Variants in RRBP1 observed in about 807,000 individuals in gnomAD.
RRBP1 encodes ribosome-binding protein 1.
Under a neutral mutation model 165.2 loss-of-function variants are expected in RRBP1, and 94 were observed. That is an observed-to-expected ratio of 0.57 (90% confidence interval 0.48 to 0.68). The LOEUF (loss-of-function observed/expected upper bound fraction) is 0.68. RRBP1 is among the 30% of genes least tolerant of loss of function. RRBP1 has a pLI of 0.00. For synonymous variants in RRBP1, 680 were observed against 714.5 expected (o/e 0.95, Z 0.77); for missense variants, 1,676 against 1,763.0 (o/e 0.95, Z 0.88).
intron 22 of RRBP1, 35 bp from the exon 23 acceptor site, chr20:17,615,564 G>A (rs371113542): frequency 1.8e-5 from 28 of 1,547,944 alleles, no homozygotes; most frequent in East Asian, 1.4e-4. Context: ...TGGGTGAGAC[G>A]TCTTATAAAC....
At chr20:17,629,170 T>C (rs1386865915) in intron 9 of RRBP1, among the ~76,000 whole-genome samples, 2 of 152,238 alleles carry the variant, frequency 1.3e-5, no homozygotes, top group Non-Finnish European at 2.9e-5. Flanking sequence ...GGTGACTCTG[T>C]CGTGTAACCC....
chr20:17,676,535 T>C (rs1227833559), intron 2 of RRBP1, among the ~76,000 whole-genome samples: 1 of 152,188 alleles, frequency 6.6e-6, no homozygotes, highest in Non-Finnish European at 1.5e-5. Context: ...TGGGACAAGC[T>C]GATGACTAGT....
chr20:17,640,973 G>A (rs2036345220), intron 5 of RRBP1, among the ~76,000 whole-genome samples: 1 of 152,218 alleles, frequency 6.6e-6, no homozygotes, highest in Admixed American at 6.5e-5. Flanking sequence ...GAGAAGGCAG[G>A]GAGGCAGGGA....
chr20:17,617,338 C>T (rs6044912), intron 20 of RRBP1, among the ~76,000 whole-genome samples: 21 of 152,356 alleles, frequency 1.4e-4, no homozygotes, highest in African/African-American at 5.0e-4. Context: ...AACCACTGGG[C>T]CTGCAATTTG....
intron 3 of RRBP1, among the ~76,000 whole-genome samples, chr20:17,655,392 C>T (rs190941463): frequency 2.2e-4 from 33 of 152,340 alleles, no homozygotes; most frequent in Non-Finnish European, 4.3e-4. Context: ...GTATTTCCTA[C>T]AGTTACGGTT....
intron 7 of RRBP1, among the ~76,000 whole-genome samples, 187 bp downstream of exon 7, chr20:17,635,359 C>T (rs752952957): frequency 3.3e-5 from 5 of 152,338 alleles, no homozygotes; most frequent in Non-Finnish European, 5.9e-5. Context: ...ACCACAGGGA[C>T]GCTGGGCCAC....
At chr20:17,676,076 G>A (rs2037076424) in intron 2 of RRBP1, among the ~76,000 whole-genome samples, 1 of 152,226 alleles carries the variant, frequency 6.6e-6, no homozygotes. Flanking sequence ...GGGTGTGGTA[G>A]CATGCACTTG....
Position 17,618,612 on chromosome 20 carries a change from C to T in RRBP1, c.3743G>A (p.Ser1248Asn). The T allele has an allele frequency of 6.2e-7, 1 of 1,614,022 alleles. No homozygotes were observed. ...DAAKSEAQKQ[S>N]DELALVRQQL... ...GCCACCTACCAGGGCAAGCTCATCG[C>T]TCTGTTTCTGGGCTTCGCTCTTGGC... is the stretch of plus-strand genomic sequence containing the variant. Residue 1248 changes from serine to asparagine, a missense_variant, in exon 20 of 25, where the codon AGC (serine) becomes AAC (asparagine). Around this residue, in one of 5 missense-constraint regions of RRBP1, gnomAD observed 1,184 missense variants for 1,167.1 expected, o/e 1.01. Coordinates refer to ENST00000377813, the MANE Select transcript of RRBP1 (RefSeq NM_001365613.2).
At chr20:17,626,103 A>G (rs1473075781) in intron 11 of RRBP1, among the ~76,000 whole-genome samples, 1 of 152,034 alleles carries the variant, frequency 6.6e-6, no homozygotes, top group East Asian at 1.9e-4. Context: ...GCTCCTCTCT[A>G]CTCCAGAGCA....
intron 19 of RRBP1, chr20:17,619,046 C>A: frequency 4.1e-6 from 1 of 241,384 alleles, no homozygotes; most frequent in Non-Finnish European, 8.2e-6. Context: ...CATCAGCCTC[C>A]TAAGCAGCTG....
chr20:17,636,624 C>T lies in RRBP1; in HGVS notation c.2290G>A (p.Ala764Thr). ...EITAVQARMQ[A>T]SYREHVKEVQ... ...TCCTTCACGTGCTCCCGGTAGCTGG[C>T]CTGCATGCGTGCCTGCACAGCCGTG... Residue 764 changes from alanine to threonine, a missense_variant, in exon 6 of 25, where the codon GCC becomes ACC. This residue lies in a region of RRBP1 where 1,184 missense variants were observed against 1,167.1 expected (regional missense o/e 1.01). Transcript: ENST00000377813. 2.5e-6 allele frequency: 4 copies of T among 1,612,840 alleles called. No individual in the cohort carries two copies. The South Asian group carries it at 3.3e-5, about 13-fold the overall frequency.
intron 3 of RRBP1, among the ~76,000 whole-genome samples, chr20:17,653,298 C>CA (rs2036590524): frequency 6.6e-6 from 1 of 152,262 alleles, no homozygotes. Context: ...CTGTCCTTTA[C>CA]AGTCAGAGCT....
At position 17,636,593 on chromosome 20, in the gene RRBP1, T is replaced by G; in HGVS notation, c.2321A>C (p.Gln774Pro). The change falls in exon 6 of 25, where the codon CAG becomes CCG. Residue 774 changes from glutamine (Q) to proline (P), a missense_variant. Physicochemically the swap from Gln to Pro is moderately conservative, Grantham distance 76. Around this residue, in one of 5 missense-constraint regions of RRBP1, gnomAD observed 1,184 missense variants for 1,167.1 expected, o/e 1.01. Transcript: ENST00000377813. ...TACACCCACCTTGCCCTGCAGCTGCTGCACCTCCTTCACGTGCTCCCGGTA... is the reference window on the plus strand; with the variant it reads ...TACACCCACCTTGCCCTGCAGCTGCGGCACCTCCTTCACGTGCTCCCGGTA... ...ASYREHVKEV[Q>P]QLQGKIRTLQ... is the part of the protein sequence containing the mutation. 6.2e-7 allele frequency: 1 copy of G among 1,611,988 alleles called. No individual in the cohort carries two copies. The highest frequency in any genetic ancestry group is 8.5e-7 in the Non-Finnish European group (1 of 1,179,972).
chr20:17,658,509 T>G, intron 3 of RRBP1, 87 bp downstream of exon 3: 1 of 1,155,744 alleles, frequency 8.7e-7, no homozygotes, highest in Non-Finnish European at 1.2e-6. Context: ...AATAGCTGAC[T>G]GATACAGGTG....
At chr20:17,640,584 G>A (rs959845099) in intron 5 of RRBP1, among the ~76,000 whole-genome samples, 2 of 152,172 alleles carry the variant, frequency 1.3e-5, no homozygotes, top group African/African-American at 4.8e-5. Flanking sequence ...GTGGGTGGAA[G>A]GGAGGCCACG....
chr20:17,667,567 G>T (rs973141216), intron 2 of RRBP1, among the ~76,000 whole-genome samples: 1 of 152,018 alleles, frequency 6.6e-6, no homozygotes, highest in Non-Finnish European at 1.5e-5. Flanking sequence ...ACATCCATAC[G>T]TGACTGAATT....
chr20:17,679,859 G>A (rs556735433), intron 2 of RRBP1, 140 bp downstream of exon 2: 15 of 136,080 alleles, frequency 1.1e-4, no homozygotes, highest in Non-Finnish European at 2.0e-4. Flanking sequence ...AGTGCCTAGA[G>A]CTCTAAACCC....
At chr20:17,625,206 C>T (rs1189282297) in intron 12 of RRBP1, among the ~76,000 whole-genome samples, 1 of 152,148 alleles carries the variant, frequency 6.6e-6, no homozygotes, top group Non-Finnish European at 1.5e-5. Context: ...GGACCAGGAT[C>T]CCCACTTAGG....
rs1568752944 is a variant in RRBP1, at chr20:17,619,739, GCA to G, written c.3580-13_3580-12del. The stretch of plus-strand genomic sequence containing the variant: ...CGTGTGCTCCCTCACCTGGACAGAT[GCA>G]CAGACACGCACACGCATGCGCCAGC... On this transcript the variant is annotated splice_polypyrimidine_tract_variant and intron_variant, in intron 18 of 24. Coordinates refer to ENST00000377813, the MANE Select transcript of RRBP1 (RefSeq NM_001365613.2). 2.5e-6 allele frequency: 4 copies of G among 1,582,900 alleles called. No individual in the cohort carries two copies. The highest frequency in any genetic ancestry group is 2.2e-5 in the East Asian group (1 of 44,466).
Sources: allele counts gnomAD v4.1 joint callset (sites outside exome capture counted in the v4.1 genomes callset), GRCh38; gene constraint gnomAD v4.1.1; regional missense constraint gnomAD v4.1.1; transcripts MANE v1.5; gene names NCBI Gene and HGNC (gene_info 2026-07-23, HGNC 2026-07-21).